Variants in MAP3K1 observed in about 807,000 individuals in gnomAD.
MAP3K1 encodes the protein mitogen-activated protein kinase kinase kinase 1.
In MAP3K1, 36 loss-of-function variants were observed where a neutral mutation model predicts 144.2. The observed-to-expected ratio is 0.25, with a 90% CI of 0.19 to 0.33. The LOEUF (loss-of-function observed/expected upper bound fraction) is 0.33. Ranked by LOEUF, MAP3K1 falls within the 10% of genes least tolerant of loss-of-function variation. The pLI is 1.00. For synonymous variants in MAP3K1, 718 were observed against 688.7 expected (o/e 1.04, Z -0.67); for missense variants, 1,650 against 1,881.9 (o/e 0.88, Z 2.28).
At chr5:56,892,918 A>G (rs1339114296) in intron 19 of MAP3K1, among the ~76,000 whole-genome samples, 1 of 152,116 alleles carries the variant, frequency 6.6e-6, no homozygotes, top group African/African-American at 2.4e-5. Context: ...AATAATTATC[A>G]GATTTTGAAT....
At chr5:56,827,478 T>C (rs957849190) in intron 1 of MAP3K1, among the ~76,000 whole-genome samples, 1 of 152,240 alleles carries the variant, frequency 6.6e-6, no homozygotes, top group Non-Finnish European at 1.5e-5. Flanking sequence ...GGAAGTGTTC[T>C]CATGGCAAAA....
At chr5:56,891,034 A>T (rs1397640483) in intron 19 of MAP3K1, among the ~76,000 whole-genome samples, 4 of 152,088 alleles carry the variant, frequency 2.6e-5, no homozygotes, top group African/African-American at 9.7e-5. Context: ...TGACAGTGAG[A>T]GCGAGACCCT....
At chr5:56,816,289 C>T (rs1365636670) in intron 1 of MAP3K1, among the ~76,000 whole-genome samples, 2 of 152,014 alleles carry the variant, frequency 1.3e-5, no homozygotes, top group South Asian at 2.1e-4. Context: ...TGTTTGCAGA[C>T]ATGTGACAGG....
chr5:56,894,012 A>AG lies in MAP3K1; in HGVS notation c.*336dup, dbSNP rs1748629441. The stretch of plus-strand genomic sequence containing the variant: ...ACTTTTTCAGCAATATTAGCGGCTG[A>AG]GGGGCTCAGGATCTATTTTAATATT... On this transcript the variant is annotated 3_prime_UTR_variant, in exon 20 of 20. Coordinates refer to ENST00000399503, the MANE Select transcript of MAP3K1 (RefSeq NM_005921.2). 5 of 415,298 alleles carry AG rather than the reference A, an allele frequency of 1.2e-5. No homozygotes were observed. The allele number at this position is 415,298 out of a possible 1,614,324, so 25.7% of individuals were successfully genotyped here. A position where few individuals can be genotyped will look rare whatever the true frequency, so the allele number is the denominator to read the frequency against.
At chr5:56,851,254 A>G (rs749750125) in intron 1 of MAP3K1, among the ~76,000 whole-genome samples, 4 of 152,094 alleles carry the variant, frequency 2.6e-5, no homozygotes, top group Non-Finnish European at 5.9e-5. Context: ...CCAGGATTCT[A>G]TTTTTGAGTG....
Position 56,815,572 on chromosome 5 carries a change from A to G in MAP3K1, c.-2A>G. ...CCGAGCGAATGTAGCCCGCGAGAGA[A>G]AATGGCGGCGGCGGCGGGGAATCGC... is the stretch of plus-strand genomic sequence containing the variant. On this transcript the variant is annotated 5_prime_UTR_variant, in exon 1 of 20. Coordinates refer to ENST00000399503, the MANE Select transcript of MAP3K1 (RefSeq NM_005921.2). 7.7e-7 allele frequency: 1 copy of G among 1,305,612 alleles called. No individual in the cohort carries two copies. Among genetic ancestry groups the G allele is most frequent in the South Asian group, 2.2e-5 (1 of 46,256 alleles). 80.9% of individuals were successfully genotyped at this position (1,305,612 alleles called of 1,614,324 possible). A position where few individuals can be genotyped will look rare whatever the true frequency, so the allele number is the denominator to read the frequency against.
At chr5:56,876,951 G>A (rs2548663) in intron 10 of MAP3K1, among the ~76,000 whole-genome samples, 99,281 of 151,982 alleles carry the variant, frequency 0.65, 33,330 homozygotes, top group Non-Finnish European at 0.72. Flanking sequence ...AAAGTTCCCT[G>A]AAGAAAGAAT....
At chr5:56,840,155 T>G (rs555408232) in intron 1 of MAP3K1, among the ~76,000 whole-genome samples, 18 of 152,314 alleles carry the variant, frequency 1.2e-4, no homozygotes, top group African/African-American at 3.9e-4. Context: ...TTGTTTGTTT[T>G]TTGTTTTTTT....
At chr5:56,880,338 A>G (rs887961523) in intron 11 of MAP3K1, among the ~76,000 whole-genome samples, 13 of 152,172 alleles carry the variant, frequency 8.5e-5, no homozygotes, top group African/African-American at 3.1e-4. Flanking sequence ...GTTTTTGGAT[A>G]GGAAGGTTTT....
chr5:56,877,989 C>T lies in MAP3K1; in HGVS notation c.1966-991C>T, dbSNP rs192639346. On this transcript the variant is annotated intron_variant, in intron 10 of 19. Coordinates refer to ENST00000399503, the MANE Select transcript of MAP3K1 (RefSeq NM_005921.2). ...TTAGATGGAAGTTACGTATTTTTCACAAGAACGCCACAGAGGTGACAGGCC... is the reference window on the plus strand; with the variant it reads ...TTAGATGGAAGTTACGTATTTTTCATAAGAACGCCACAGAGGTGACAGGCC... 1.5e-4 allele frequency among the ~76,000 whole-genome samples: 23 copies of T among 152,320 alleles called. No individual in the cohort carries two copies. In the East Asian group the frequency reaches 4.0e-3, roughly 27 times the overall value.
chr5:56,824,163 ACC>A (rs2111757793), intron 1 of MAP3K1, among the ~76,000 whole-genome samples: 1 of 152,358 alleles, frequency 6.6e-6, no homozygotes, highest in South Asian at 2.1e-4. Flanking sequence ...GAAGCCAAGA[ACC>A]CATGTAACAA....
At chr5:56,832,751 A>C (rs1746533920) in intron 1 of MAP3K1, among the ~76,000 whole-genome samples, 1 of 152,204 alleles carries the variant, frequency 6.6e-6, no homozygotes, top group African/African-American at 2.4e-5. Flanking sequence ...GCTTTTATTC[A>C]TTCTTCACAT....
intron 1 of MAP3K1, among the ~76,000 whole-genome samples, chr5:56,853,480 T>G (rs1273725589): frequency 6.6e-6 from 1 of 152,198 alleles, no homozygotes; most frequent in African/African-American, 2.4e-5. Flanking sequence ...TCACTTAATA[T>G]ATGTTCATAC....
chr5:56,880,855 C>A (rs1748183790), intron 12 of MAP3K1, 53 bp downstream of exon 12: 9 of 1,419,656 alleles, frequency 6.3e-6, no homozygotes, highest in Non-Finnish European at 8.9e-6. Context: ...TGTTCCTGAG[C>A]AGCCTTGTCT....
rs1482927707 is a variant in MAP3K1 at position 56,882,036 on chromosome 5, A to G, written c.2836A>G (p.Thr946Ala). 14 of 1,613,760 alleles carry G rather than the reference A, an allele frequency of 8.7e-6. 1 individual carries two copies. In the South Asian group the frequency reaches 8.8e-5, roughly 10 times the overall value. ...ACCTTCTAGTTCAACAACAACAACA[A>G]CAACAACAACAGAGCAACCAAAGCC... ...VGPSSSTTTT[T>A]TTTEQPKPMV... The change falls in exon 14 of 20, where the codon ACA becomes GCA. Residue 946 changes from threonine (T) to alanine (A), a missense_variant. By Grantham distance (58) the Thr-to-Ala change is moderately conservative. Transcript: ENST00000399503.
chr5:56,880,241 G>A (rs1291274415), intron 11 of MAP3K1, among the ~76,000 whole-genome samples: 1 of 152,070 alleles, frequency 6.6e-6, no homozygotes, highest in Non-Finnish European at 1.5e-5. Flanking sequence ...TTGTTTACCT[G>A]GTCACCTGAA....
chr5:56,873,656 A>G (rs1225491465), intron 9 of MAP3K1, among the ~76,000 whole-genome samples: 1 of 152,202 alleles, frequency 6.6e-6, no homozygotes, highest in Non-Finnish European at 1.5e-5. Context: ...ACGGGTCTCC[A>G]GTAGACAATA....
At chr5:56,843,584 A>G (rs906649936) in intron 1 of MAP3K1, among the ~76,000 whole-genome samples, 1 of 152,106 alleles carries the variant, frequency 6.6e-6, no homozygotes, top group African/African-American at 2.4e-5. Flanking sequence ...CCCCAGACCT[A>G]AGAGCTTGGC....
intron 4 of MAP3K1, 111 bp downstream of exon 4, chr5:56,865,045 A>T: frequency 9.6e-7 from 1 of 1,042,660 alleles, no homozygotes; most frequent in Non-Finnish European, 1.4e-6. Context: ...TATAGTAAAC[A>T]AAGTTAAACT....
Sources: gnomAD v4.1 joint callset for allele counts (sites outside exome capture counted in the v4.1 genomes callset) on GRCh38, gnomAD v4.1.1 for gene constraint, MANE v1.5 for transcripts, NCBI Gene and HGNC (gene_info 2026-07-23, HGNC 2026-07-21) for gene names.